The following PTPRO variants were observed in gnomAD, a reference collection of about 807,000 sequenced individuals.
PTPRO encodes receptor-type tyrosine-protein phosphatase O.
In PTPRO, 62 loss-of-function variants were observed where a neutral mutation model predicts 145.2. That is an observed-to-expected ratio of 0.43 (90% confidence interval 0.35 to 0.53). The LOEUF is 0.53. PTPRO is among the 20% of genes least tolerant of loss of function. The pLI is 0.01. For synonymous variants in PTPRO, 565 were observed against 514.7 expected (o/e 1.10, Z -1.32); for missense variants, 1,345 against 1,482.7 (o/e 0.91, Z 1.53).
At chr12:15,550,213 A>T (rs1007814899) in intron 14 of PTPRO, among the ~76,000 whole-genome samples, 2 of 152,312 alleles carry the variant, frequency 1.3e-5, no homozygotes, top group African/African-American at 4.8e-5. Context: ...TACTTATTAT[A>T]TATTGTATTC....
At chr12:15,411,354 A>G (rs76449502) in intron 1 of PTPRO, among the ~76,000 whole-genome samples, 2 of 152,368 alleles carry the variant, frequency 1.3e-5, no homozygotes, top group East Asian at 3.9e-4. Context: ...AGGGAGTTAC[A>G]TGCAGTTCTT....
chr12:15,414,276 T>C (rs1357214841), intron 1 of PTPRO, among the ~76,000 whole-genome samples: 1 of 152,136 alleles, frequency 6.6e-6, no homozygotes, highest in Admixed American at 6.5e-5. Context: ...AAATGCAGAT[T>C]TCGATTTATG....
At chr12:15,522,733 T>A (rs1258030469) in intron 10 of PTPRO, among the ~76,000 whole-genome samples, 1 of 152,186 alleles carries the variant, frequency 6.6e-6, no homozygotes, top group Admixed American at 6.5e-5. Flanking sequence ...TCAATCATAG[T>A]AATTATGCGG....
chr12:15,502,019 C>A lies in PTPRO; in HGVS notation c.1061C>A (p.Pro354Gln), dbSNP rs1344047461. 2 of 1,613,804 alleles carry A rather than the reference C, an allele frequency of 1.2e-6. No individual in the cohort carries two copies. Among genetic ancestry groups the A allele is most frequent in the African/African-American group, 1.3e-5 (1 of 74,894 alleles). ...QMILTWLPPK[P>Q]PTAFDGFHIH... ...ATATTGACCTGGTTACCACCCAAAC[C>A]ACCCACTGCTTTTGATGGGTTCCAT... The change falls in exon 5 of 27, where the codon CCA becomes CAA. Residue 354 changes from proline (P) to glutamine (Q), a missense_variant. By Grantham distance (76) the Pro-to-Gln change is moderately conservative (BLOSUM62 -1). This residue lies in a region of PTPRO where 1,130 missense variants were observed against 1,214.7 expected (regional missense o/e 0.93). Transcript: ENST00000281171.
At chr12:15,433,054 G>GTTAA (rs1277615171) in intron 1 of PTPRO, among the ~76,000 whole-genome samples, 1 of 151,340 alleles carries the variant, frequency 6.6e-6, no homozygotes, top group Non-Finnish European at 1.5e-5. Flanking sequence ...GATCCCAATT[G>GTTAA]TTAATTTTTG....
At chr12:15,492,710 A>G (rs1360274732) in intron 2 of PTPRO, among the ~76,000 whole-genome samples, 1 of 152,210 alleles carries the variant, frequency 6.6e-6, no homozygotes, top group Non-Finnish European at 1.5e-5. Context: ...GAAAAGCTTC[A>G]GTAGATAGGA....
chr12:15,511,142 T>C (rs1942432381), intron 7 of PTPRO, among the ~76,000 whole-genome samples: 2 of 152,190 alleles, frequency 1.3e-5, no homozygotes. Context: ...CTCAACTAAA[T>C]TCTCAGGAAT....
At chr12:15,591,477 C>T (rs1030565100) in intron 25 of PTPRO, among the ~76,000 whole-genome samples, 1 of 152,154 alleles carries the variant, frequency 6.6e-6, no homozygotes, top group East Asian at 1.9e-4. Flanking sequence ...TCCTCCATCC[C>T]ATTTTTAGGG....
chr12:15,386,029 T>C (rs1044410647), intron 1 of PTPRO, among the ~76,000 whole-genome samples: 2 of 151,994 alleles, frequency 1.3e-5, no homozygotes, highest in Admixed American at 6.6e-5. Context: ...ACAGTAGAGT[T>C]CACAAAGCTG....
chr12:15,456,061 A>G (rs1175122305), intron 1 of PTPRO, among the ~76,000 whole-genome samples: 1 of 152,184 alleles, frequency 6.6e-6, no homozygotes, highest in Non-Finnish European at 1.5e-5. Context: ...ATTTTAGAGA[A>G]AAAACTTTCC....
chr12:15,569,342 A>G, intron 18 of PTPRO, 75 bp from the exon 19 acceptor site: 1 of 1,241,020 alleles, frequency 8.1e-7, no homozygotes, highest in Non-Finnish European at 1.2e-6. Flanking sequence ...ATTAAGAAGT[A>G]TGATATTAAA....
chr12:15,337,379 G>C (rs1866799653), intron 1 of PTPRO: 1 of 152,104 alleles, frequency 6.6e-6, no homozygotes, highest in Non-Finnish European at 1.5e-5. Context: ...ATACCAACCG[G>C]AACACTTCCG....
At chr12:15,569,524 C>G in intron 19 of PTPRO, 26 bp downstream of exon 19, 1 of 1,573,076 alleles carries the variant, frequency 6.4e-7, no homozygotes, top group Non-Finnish European at 8.7e-7. Flanking sequence ...CATTTTCTAC[C>G]TTCTGTAATG....
At chr12:15,503,566 G>C (rs1364998814) in intron 5 of PTPRO, among the ~76,000 whole-genome samples, 2 of 152,102 alleles carry the variant, frequency 1.3e-5, no homozygotes, top group Admixed American at 6.6e-5. Context: ...CTTACCTCGT[G>C]ATGAGAAAGC....
chr12:15,484,187 CT>C lies in PTPRO; in HGVS notation c.290del (p.Leu97ArgfsTer2). On this transcript the variant is annotated frameshift_variant, in exon 2 of 27. Transcript: ENST00000281171. LOFTEE classifies it high-confidence loss of function. ...TCATGGCCTTTATTATATAATCACT[CT>C]GGTAGTGGTAAATGGAAATGTGGTG... is the stretch of plus-strand genomic sequence containing the variant. The part of the protein sequence containing the change: ...SYHGLYYIIT[L>X]VVVNGNVVTK... 6.2e-7 allele frequency: 1 copy of C among 1,613,532 alleles called. No homozygotes were observed. The highest frequency in any genetic ancestry group is 8.5e-7 in the Non-Finnish European group (1 of 1,179,672).
chr12:15,336,457 T>C (rs1172306050), intron 1 of PTPRO, among the ~76,000 whole-genome samples: 2 of 152,208 alleles, frequency 1.3e-5, no homozygotes, highest in East Asian at 3.9e-4. Context: ...AAGGAATTTG[T>C]TGAGCAAAGA....
intron 12 of PTPRO, among the ~76,000 whole-genome samples, chr12:15,532,802 A>C (rs147941545): frequency 2.0e-5 from 3 of 152,002 alleles, no homozygotes; most frequent in African/African-American, 7.2e-5. Context: ...CCGTTCAAAA[A>C]CTCATTTCCA....
At chr12:15,327,309 A>C (rs1421070285) in intron 1 of PTPRO, among the ~76,000 whole-genome samples, 1 of 152,184 alleles carries the variant, frequency 6.6e-6, no homozygotes, top group South Asian at 2.1e-4. Context: ...TAATGTTATT[A>C]ATTAAAAAGT....
At chr12:15,529,582 G>T (rs1051125203) in intron 12 of PTPRO, among the ~76,000 whole-genome samples, 13 of 152,086 alleles carry the variant, frequency 8.5e-5, no homozygotes, top group African/African-American at 2.9e-4. Flanking sequence ...GATTGAGGCT[G>T]CAGTGAGCTG....
Sources: allele counts gnomAD v4.1 joint callset (sites outside exome capture counted in the v4.1 genomes callset), GRCh38; gene constraint gnomAD v4.1.1; regional missense constraint gnomAD v4.1.1; transcripts MANE v1.5; gene names NCBI Gene and HGNC (gene_info 2026-07-23, HGNC 2026-07-21).